Variants in PCIF1 observed in about 807,000 individuals in gnomAD.
PCIF1 encodes the protein mRNA (2'-O-methyladenosine-N(6)-)-methyltransferase.
In PCIF1, 12 loss-of-function variants were observed where a neutral mutation model predicts 86.9. The ratio of observed to expected loss-of-function variants is 0.14; its 90% CI spans 0.09 to 0.22. PCIF1 has a LOEUF of 0.22. PCIF1 is among the 10% of genes least tolerant of loss of function. The pLI is 1.00. For missense variants in PCIF1, 701 were observed against 951.1 expected, an observed-to-expected ratio of 0.74 and a Z score of 3.46; for synonymous variants, 397 against 372.0, an observed-to-expected ratio of 1.07 and a Z score of -0.77.
chr20:45,940,621 CT>C lies in PCIF1; in HGVS notation c.387+10del. 1 of 1,603,088 alleles carries C rather than the reference CT, an allele frequency of 6.2e-7. No homozygotes were observed. ...GTGTGAAGAAGCCCAAGGTGAGTGT[CT>C]GTGGCCAGGAGCCGGCTGCCGAGCG... On this transcript the variant is annotated intron_variant, in intron 5 of 16. Coordinates refer to ENST00000372409, the MANE Select transcript of PCIF1 (RefSeq NM_022104.4).
chr20:45,940,435 G>A (rs754375465), intron 4 of PCIF1, 40 bp from the exon 5 acceptor site: 11 of 1,554,586 alleles, frequency 7.1e-6, no homozygotes, highest in East Asian at 2.4e-5. Context: ...CTCCTAAGCC[G>A]CTGGCCCTGG....
Position 45,943,886 on chromosome 20 carries a change from ATGGCAGACG to A in PCIF1, c.1005+123_1005+131del, listed in dbSNP as rs1210933817. On this transcript the variant is annotated intron_variant, in intron 10 of 16. Transcript: ENST00000372409. The surrounding 1 kb of genome is among the most constrained non-coding windows in gnomAD (Gnocchi z 5.5). ...CCCCAGCGGCCTATTCTTGTGCAGT[ATGGCAGACG>A]TTCGACATTCGTCAGTCCCCAAACT... is the stretch of plus-strand genomic sequence containing the variant. The A allele has an allele frequency of 5.2e-5, 37 of 710,702 alleles. No homozygotes were observed. The East Asian group carries it at 1.0e-3, about 19-fold the overall frequency. 44.0% of individuals were successfully genotyped at this position (710,702 alleles called of 1,614,324 possible).
At position 45,947,091 on chromosome 20, in the gene PCIF1, T is replaced by C; in HGVS notation, c.1632T>C (p.Ala544=). The change falls in exon 15 of 17, where the codon GCT becomes GCC. Residue 544 remains alanine (A), a synonymous_variant. Coordinates refer to ENST00000372409, the MANE Select transcript of PCIF1 (RefSeq NM_022104.4). The surrounding 1 kb of genome is among the most constrained non-coding windows in gnomAD (Gnocchi z 5.4). ...FGSRGPCLDF[A]PLSGSFEANP... ...TCCCCAGGCCCTGCCTAGACTTTGC[T>C]CCACTGAGTGGTTCATTTGAGGCCA... 1 of 1,612,238 alleles carries C rather than the reference T, an allele frequency of 6.2e-7. No homozygotes were observed. The highest frequency in any genetic ancestry group is 1.1e-5 in the South Asian group (1 of 91,032).
At position 45,943,503 on chromosome 20, in the gene PCIF1, C is replaced by T; in HGVS notation, c.905+80C>T. On this transcript the variant is annotated intron_variant, in intron 9 of 16. Transcript: ENST00000372409. The surrounding 1 kb of genome is among the most constrained non-coding windows in gnomAD (Gnocchi z 5.5). ...ATAGGCCATCTTGCCCAGTCTCATG[C>T]AGGGCTGTCATTGCTCTCGGTGGCA... The T allele has an allele frequency of 7.0e-7, 1 of 1,438,276 alleles. No individual in the cohort carries two copies. 89.1% of individuals were successfully genotyped at this position (1,438,276 alleles called of 1,614,324 possible).
At chr20:45,941,573 C>T (rs1159187025) in intron 7 of PCIF1, among the ~76,000 whole-genome samples, 1 of 152,190 alleles carries the variant, frequency 6.6e-6, no homozygotes, top group Non-Finnish European at 1.5e-5. Flanking sequence ...AATTCTCCTG[C>T]CTCAGCCTCC....
At chr20:45,934,874 C>A in intron 1 of PCIF1, 70 bp downstream of exon 1, 1 of 397,882 alleles carries the variant, frequency 2.5e-6, no homozygotes, top group Non-Finnish European at 4.4e-6. Flanking sequence ...AGCTGGGGGG[C>A]GGCGGCCCCT....
At position 45,946,196 on chromosome 20, in the gene PCIF1, G is replaced by A. The variant is rs529563966; in HGVS notation, c.1429-4G>A. ...CCCAGGTGCTGACGGTGGCCACTCCGCAGATGATGTTCGGCGTGGGCCTCT... is the reference window on the plus strand; with the variant it reads ...CCCAGGTGCTGACGGTGGCCACTCCACAGATGATGTTCGGCGTGGGCCTCT... On this transcript the variant is annotated splice_polypyrimidine_tract_variant and splice_region_variant and intron_variant, in intron 13 of 16. Transcript: ENST00000372409. 586 of 1,614,178 alleles carry A rather than the reference G, an allele frequency of 3.6e-4. 7 individuals are homozygous for A. The South Asian group carries it at 5.6e-3, about 15-fold the overall frequency.
In PCIF1 at chr20:45,941,158, C is replaced by T. The variant is rs2083466638; in HGVS notation, c.624C>T (p.Leu208=). Residue 208 remains leucine, a synonymous_variant, in exon 7 of 17, where the codon CTC becomes CTT. Transcript: ENST00000372409. ...HPEVELLRSQ[L]ILKLRQHYRE... ...AAGTGGAACTGCTCCGCTCTCAGCTCATCCTGAAGCTTCGGCAGCACTATC... is the reference window on the plus strand; with the variant it reads ...AAGTGGAACTGCTCCGCTCTCAGCTTATCCTGAAGCTTCGGCAGCACTATC... The T allele has an allele frequency of 1.9e-6, 3 of 1,613,958 alleles. No homozygotes were observed. Among genetic ancestry groups the T allele is most frequent in the Non-Finnish European group, 1.7e-6 (2 of 1,179,992 alleles).
rs755824857 is a variant in PCIF1, at chr20:45,945,749, T to G, written c.1207T>G (p.Tyr403Asp). 1 of 1,613,904 alleles carries G rather than the reference T, an allele frequency of 6.2e-7. No homozygotes were observed. Among genetic ancestry groups the G allele is most frequent in the South Asian group, 1.1e-5 (1 of 91,088 alleles). The part of the protein sequence containing the change: ...EAPEVEPRLV[Y>D]CYPVRLAVSA... Reference sequence around the variant, plus strand: ...CCCTGAGGTGGAGCCCCGCCTAGTGTACTGCTACCCAGTCCGGCTGGCTGT... The same window carrying G: ...CCCTGAGGTGGAGCCCCGCCTAGTGGACTGCTACCCAGTCCGGCTGGCTGT... The change falls in exon 12 of 17, where the codon TAC (tyrosine) becomes GAC (aspartate). Residue 403 changes from tyrosine (Y) to aspartate (D), a missense_variant. Physicochemically the swap from Tyr to Asp is radical, Grantham distance 160. Around this residue, in one of 7 missense-constraint regions of PCIF1, gnomAD observed 121 missense variants for 131.7 expected, o/e 0.92. Transcript: ENST00000372409.
At chr20:45,946,562 T>G (rs939473198) in intron 14 of PCIF1, among the ~76,000 whole-genome samples, 178 bp downstream of exon 14, 5 of 152,124 alleles carry the variant, frequency 3.3e-5, no homozygotes, top group African/African-American at 9.7e-5. Flanking sequence ...GCTTTTCTGG[T>G]TCTGTGGGCA....
chr20:45,937,471 C>T lies in PCIF1; in HGVS notation c.-134C>T. On this transcript the variant is annotated 5_prime_UTR_variant, in exon 2 of 17. Transcript: ENST00000372409. ...CCGTCCACTCCACTGCTGACCAGCC[C>T]ATTCGCCTGTGCTGAGTCTTCCTGC... The T allele has an allele frequency of 2.5e-6, 1 of 399,220 alleles. No homozygotes were observed. The highest frequency in any genetic ancestry group is 1.3e-4 in the South Asian group (1 of 7,862). 24.7% of individuals were successfully genotyped at this position (399,220 alleles called of 1,614,324 possible).
At position 45,943,482 on chromosome 20, in the gene PCIF1, G is replaced by A; in HGVS notation, c.905+59G>A. The A allele has an allele frequency of 6.5e-7, 1 of 1,532,058 alleles. No individual in the cohort carries two copies. The highest frequency in any genetic ancestry group is 9.0e-7 in the Non-Finnish European group (1 of 1,114,326). 94.9% of individuals were successfully genotyped at this position (1,532,058 alleles called of 1,614,324 possible). A position where few individuals can be genotyped will look rare whatever the true frequency, so the allele number is the denominator to read the frequency against. Reference sequence around the variant, plus strand: ...CTGTGATTAAAGTGGCAGGTCATAGGCCATCTTGCCCAGTCTCATGCAGGG... The same window carrying A: ...CTGTGATTAAAGTGGCAGGTCATAGACCATCTTGCCCAGTCTCATGCAGGG... On this transcript the variant is annotated intron_variant, in intron 9 of 16. Transcript: ENST00000372409. The surrounding 1 kb of genome is among the most constrained non-coding windows in gnomAD (Gnocchi z 5.5).
chr20:45,942,708 G>C (rs190104811), intron 7 of PCIF1, among the ~76,000 whole-genome samples: 2 of 150,436 alleles, frequency 1.3e-5, no homozygotes, highest in Admixed American at 1.3e-4. Context: ...TCAGCCACCC[G>C]GGTTCAAGCG....
In PCIF1 at chr20:45,944,872, G is replaced by A; in HGVS notation, c.1010G>A (p.Arg337His). Reference protein sequence around the residue: ...HSASKEDYMDRLEHLRRQCGP... With the variant: ...HSASKEDYMDHLEHLRRQCGP... Reference sequence around the variant, plus strand: ...GATCCAGAATGTGTCCTCTAGGATCGCCTGGAGCATCTGCGGAGGCAGTGT... The same window carrying A: ...GATCCAGAATGTGTCCTCTAGGATCACCTGGAGCATCTGCGGAGGCAGTGT... Residue 337 changes from arginine (R) to histidine (H), a missense_variant, in exon 11 of 17, where the codon CGC (arginine) becomes CAC (histidine). Physicochemically the swap from Arg to His is conservative, Grantham distance 29. This residue lies in a region of PCIF1 where 129 missense variants were observed against 245.9 expected (regional missense o/e 0.52). Transcript: ENST00000372409. 1 of 1,612,900 alleles carries A rather than the reference G, an allele frequency of 6.2e-7. No individual in the cohort carries two copies. The highest frequency in any genetic ancestry group is 8.5e-7 in the Non-Finnish European group (1 of 1,179,408).
At chr20:45,940,156 A>G (rs553799308) in intron 4 of PCIF1, among the ~76,000 whole-genome samples, 1 of 152,252 alleles carries the variant, frequency 6.6e-6, no homozygotes, top group Non-Finnish European at 1.5e-5. Context: ...GAGGAAAATA[A>G]TGTGTAATGA....
intron 4 of PCIF1, among the ~76,000 whole-genome samples, chr20:45,939,594 T>C (rs971304345): frequency 6.6e-6 from 1 of 152,242 alleles, no homozygotes; most frequent in Non-Finnish European, 1.5e-5. Context: ...CAAGGCAGAC[T>C]TGCTCCCTAC....
chr20:45,941,584 C>T (rs891454955), intron 7 of PCIF1, among the ~76,000 whole-genome samples: 5 of 152,036 alleles, frequency 3.3e-5, no homozygotes, highest in Admixed American at 6.6e-5. Flanking sequence ...CTCAGCCTCC[C>T]GAGTAGCGGG....
Position 45,943,274 on chromosome 20 carries a change from G to A in PCIF1, c.821+30G>A. On this transcript the variant is annotated intron_variant, in intron 8 of 16. Transcript: ENST00000372409. This position sits in a 1 kb window ranked among gnomAD's most constrained non-coding sequence, Gnocchi z 5.5. ...AGCTCCACAGCTGGGGATGACCCTG[G>A]GCCATTTGGTTTCTGTGCCCAGTCA... The A allele has an allele frequency of 6.2e-7, 1 of 1,613,970 alleles. No individual in the cohort carries two copies. Among genetic ancestry groups the A allele is most frequent in the Non-Finnish European group, 8.5e-7 (1 of 1,179,868 alleles).
rs2083543911 is a variant in PCIF1 at position 45,947,590 on chromosome 20, T to G, written c.1950T>G (p.Phe650Leu). 1 of 1,613,340 alleles carries G rather than the reference T, an allele frequency of 6.2e-7. No homozygotes were observed. The highest frequency in any genetic ancestry group is 1.7e-5 in the Admixed American group (1 of 60,006). ...TCTTCCTACAGAACGACCCTGGCTT[T>G]GCCAAGTGGGCGCCGACGCCTGAAC... ...AVLFLQNDPG[F>L]AKWAPTPERL... is the part of the protein sequence containing the mutation. The change falls in exon 17 of 17, where the codon TTT becomes TTG. Residue 650 changes from phenylalanine (F) to leucine (L), a missense_variant. By Grantham distance (22) the Phe-to-Leu change is conservative. Around this residue, in one of 7 missense-constraint regions of PCIF1, gnomAD observed 174 missense variants for 206.9 expected, o/e 0.84. Transcript: ENST00000372409. This position sits in a 1 kb window ranked among gnomAD's most constrained non-coding sequence, Gnocchi z 5.4.
Sources: allele counts gnomAD v4.1 joint callset (sites outside exome capture counted in the v4.1 genomes callset), GRCh38; gene constraint gnomAD v4.1.1; regional missense constraint gnomAD v4.1.1; non-coding constraint Gnocchi (gnomAD v3.1); transcripts MANE v1.5; gene names NCBI Gene and HGNC (gene_info 2026-07-23, HGNC 2026-07-21).